Variants in RAPGEF1 observed in about 807,000 individuals in gnomAD.
The protein encoded by RAPGEF1 is Rap guanine nucleotide exchange factor 1, also known as CRK SH3-binding GNRP.
RAPGEF1 carries 33 observed loss-of-function variants against 143.3 expected under a neutral mutation model. The observed-to-expected ratio is 0.23, with a 90% CI of 0.17 to 0.31. The LOEUF (loss-of-function observed/expected upper bound fraction) is 0.31, where lower values mean the gene tolerates loss of function less well. Among genes scored for constraint, RAPGEF1 ranks in the 10% least tolerant of loss-of-function variants. The pLI, the probability that RAPGEF1 is intolerant of heterozygous loss-of-function variation, is 1.00. For missense variants in RAPGEF1, 1,199 were observed against 1,645.4 expected (o/e 0.73, Z 4.69); for synonymous variants, 629 against 676.5 (o/e 0.93, Z 1.09).
intron 1 of RAPGEF1, among the ~76,000 whole-genome samples, chr9:131,663,731 T>C (rs147490179): frequency 8.3e-4 from 126 of 152,322 alleles, no homozygotes; most frequent in African/African-American, 2.8e-3. Flanking sequence ...TAATCAGTTA[T>C]TGATAATGCT....
chr9:131,592,042 C>A, intron 18 of RAPGEF1, 57 bp downstream of exon 18: 1 of 1,362,066 alleles, frequency 7.3e-7, no homozygotes. Flanking sequence ...CAAGAGGGTC[C>A]CTCTCTCTCC....
chr9:131,719,609 T>C (rs1836116340), intron 1 of RAPGEF1, among the ~76,000 whole-genome samples: 1 of 136,636 alleles, frequency 7.3e-6, no homozygotes, highest in South Asian at 2.3e-4. Flanking sequence ...CCCGGAGAGA[T>C]AGTAGTAAGC....
At chr9:131,586,366 A>C (rs1254474318) in intron 22 of RAPGEF1, among the ~76,000 whole-genome samples, 2 of 136,422 alleles carry the variant, frequency 1.5e-5, no homozygotes, top group Admixed American at 7.2e-5. Flanking sequence ...ACACACACAC[A>C]CACACACCCA....
At chr9:131,694,274 T>C (rs1833980754) in intron 1 of RAPGEF1, among the ~76,000 whole-genome samples, 1 of 152,154 alleles carries the variant, frequency 6.6e-6, no homozygotes. Flanking sequence ...CAGCAGAGAA[T>C]GAGGCCTAAT....
chr9:131,677,600 C>CA (rs1394647818), intron 1 of RAPGEF1, among the ~76,000 whole-genome samples: 1 of 152,144 alleles, frequency 6.6e-6, no homozygotes, highest in East Asian at 1.9e-4. Context: ...ACAGGAAATG[C>CA]AAAAGCAAAA....
intron 12 of RAPGEF1, among the ~76,000 whole-genome samples, chr9:131,613,968 C>A (rs768802242): frequency 3.0e-4 from 46 of 152,132 alleles, no homozygotes; most frequent in Non-Finnish European, 5.7e-4. Flanking sequence ...TAACCTGAAG[C>A]ACCTACGTAC....
Position 131,643,316 on chromosome 9 carries a change from C to G in RAPGEF1, c.417G>C (p.Glu139Asp). The change falls in exon 4 of 27, where the codon GAG becomes GAC. Residue 139 changes from glutamate (E) to aspartate (D), a missense_variant. Coordinates refer to ENST00000683357, the MANE Select transcript of RAPGEF1 (RefSeq NM_001377935.1). ...DKMAIDKKVL[E>D]MLPGSASKVL... is the part of the protein sequence containing the mutation. The stretch of plus-strand genomic sequence containing the variant: ...CCTTGCTGGCTGACCCTGGAAGCAT[C>G]TCCAGTACCTTCTTATCAATTGCCA... The G allele has an allele frequency of 1.2e-6, 2 of 1,613,708 alleles. No individual in the cohort carries two copies. The highest frequency in any genetic ancestry group is 2.7e-5 in the African/African-American group (2 of 75,038).
intron 12 of RAPGEF1, among the ~76,000 whole-genome samples, chr9:131,613,291 G>A (rs181343526): frequency 5.3e-5 from 8 of 152,296 alleles, no homozygotes; most frequent in African/African-American, 1.4e-4. Flanking sequence ...GGAGAAACTC[G>A]TATGTTGGGA....
intron 1 of RAPGEF1, among the ~76,000 whole-genome samples, chr9:131,656,617 C>A (rs904922586): frequency 2.6e-5 from 4 of 152,202 alleles, no homozygotes; most frequent in African/African-American, 7.2e-5. Flanking sequence ...CTGTCTACTG[C>A]CCTGAGTTGC....
chr9:131,674,382 G>A (rs1016096507), intron 1 of RAPGEF1, among the ~76,000 whole-genome samples: 3 of 152,156 alleles, frequency 2.0e-5, no homozygotes, highest in African/African-American at 4.8e-5. Flanking sequence ...TGCAGAGCAC[G>A]GTTTTGCTTT....
chr9:131,605,578 T>A (rs1956992294), intron 12 of RAPGEF1, among the ~76,000 whole-genome samples: 1 of 152,214 alleles, frequency 6.6e-6, no homozygotes, highest in Non-Finnish European at 1.5e-5. Flanking sequence ...AATTTCTGGA[T>A]GAATCTCTCA....
intron 1 of RAPGEF1, among the ~76,000 whole-genome samples, chr9:131,669,361 A>G (rs1008496719): frequency 3.3e-5 from 5 of 152,200 alleles, no homozygotes; most frequent in African/African-American, 9.7e-5. Flanking sequence ...GAAAGAAGAC[A>G]GTGAAGGGAC....
intron 1 of RAPGEF1, among the ~76,000 whole-genome samples, chr9:131,702,888 ATAAAAT>A (rs1382257674): frequency 6.6e-6 from 1 of 152,258 alleles, no homozygotes; most frequent in Non-Finnish European, 1.5e-5. Flanking sequence ...ACATAGAAGC[ATAAAAT>A]TAAAAGAAAA....
At chr9:131,597,339 G>A (rs1287817092) in intron 16 of RAPGEF1, among the ~76,000 whole-genome samples, 4 of 152,224 alleles carry the variant, frequency 2.6e-5, no homozygotes, top group Non-Finnish European at 4.4e-5. Flanking sequence ...GGATCTCTCT[G>A]CAGAGGAGCC....
At chr9:131,617,671 T>C (rs944689519) in intron 12 of RAPGEF1, among the ~76,000 whole-genome samples, 4 of 152,226 alleles carry the variant, frequency 2.6e-5, no homozygotes, top group African/African-American at 7.2e-5. Context: ...AGAACAGTAA[T>C]AAGCTTTCTA....
Position 131,619,033 on chromosome 9 carries a change from C to G in RAPGEF1, c.2061+18G>C. Reference sequence around the variant, plus strand: ...TGTTCACGCGTTTCCAAGTAAAGAACAGCAGGGAGCAACTCACCGAGGGCA... The same window carrying G: ...TGTTCACGCGTTTCCAAGTAAAGAAGAGCAGGGAGCAACTCACCGAGGGCA... On this transcript the variant is annotated intron_variant, in intron 12 of 26. Transcript: ENST00000683357. The G allele has an allele frequency of 7.4e-7, 1 of 1,353,132 alleles. No homozygotes were observed. Among genetic ancestry groups the G allele is most frequent in the Non-Finnish European group, 9.8e-7 (1 of 1,016,126 alleles). The allele number at this position is 1,353,132 out of a possible 1,614,324, so 83.8% of individuals were successfully genotyped here. A position where few individuals can be genotyped will look rare whatever the true frequency, so the allele number is the denominator to read the frequency against.
chr9:131,692,625 G>A (rs1326355801), intron 1 of RAPGEF1, among the ~76,000 whole-genome samples: 1 of 152,210 alleles, frequency 6.6e-6, no homozygotes, highest in African/African-American at 2.4e-5. Context: ...GCTGTGGACA[G>A]CTTTTCCCAA....
At chr9:131,596,267 C>T (rs1293715009) in intron 17 of RAPGEF1, 31 bp downstream of exon 17, 2 of 1,609,572 alleles carry the variant, frequency 1.2e-6, no homozygotes, top group Non-Finnish European at 1.7e-6. Flanking sequence ...GCAGGACCAG[C>T]CCCAATCTAG....
At chr9:131,592,284 G>T in intron 17 of RAPGEF1, 101 bp from the exon 18 acceptor site, 2 of 908,508 alleles carry the variant, frequency 2.2e-6, no homozygotes, top group Non-Finnish European at 3.5e-6. Context: ...AGGCAGGGGA[G>T]ATGGCACGGG....
Sources: gnomAD v4.1 joint callset for allele counts (sites outside exome capture counted in the v4.1 genomes callset) on GRCh38, gnomAD v4.1.1 for gene constraint, MANE v1.5 for transcripts, NCBI Gene and HGNC (gene_info 2026-07-23, HGNC 2026-07-21) for gene names.